LINGO2: variants seen among roughly 807,000 people sequenced by gnomAD.
The protein encoded by LINGO2 is leucine rich repeat and Ig domain containing 2, also known as leucine-rich repeat and immunoglobulin-like domain-containing nogo receptor-interacting protein 2.
A neutral mutation model predicts 30.6 loss-of-function variants in LINGO2; 14 were observed. The observed-to-expected ratio is 0.46, with a 90% CI of 0.30 to 0.72. The LOEUF (loss-of-function observed/expected upper bound fraction) is 0.72, where lower values mean the gene tolerates loss of function less well. Among genes scored for constraint, LINGO2 ranks in the 30% least tolerant of loss-of-function variants. LINGO2 has a pLI of 0.07. For synonymous variants in LINGO2, 317 were observed against 288.5 expected, an observed-to-expected ratio of 1.10 and a Z score of -1.00; for missense variants, 729 against 751.7, an observed-to-expected ratio of 0.97 and a Z score of 0.35.
the LINGO2 span, among the ~76,000 whole-genome samples, chr9:28,941,754 A>C: frequency 6.6e-6 from 1 of 152,100 alleles, no homozygotes; most frequent in Non-Finnish European, 1.5e-5. Flanking sequence ...TGGGGTTACT[A>C]TATATTTTAT....
chr9:28,172,038 A>AAAC (rs1554682064), intron 4 of LINGO2, among the ~76,000 whole-genome samples: 1 of 140,008 alleles, frequency 7.1e-6, no homozygotes, highest in Non-Finnish European at 1.5e-5. Context: ...AAAAAACAAA[A>AAAC]AAAAAAACCC....
the LINGO2 span, among the ~76,000 whole-genome samples, chr9:29,180,531 T>C: frequency 2.2e-3 from 328 of 152,270 alleles, 2 homozygotes; most frequent in African/African-American, 7.2e-3. Context: ...TATATGTCTC[T>C]CCTGCATTCT....
At chr9:28,765,898 A>G in the LINGO2 span, among the ~76,000 whole-genome samples, 1 of 151,986 alleles carries the variant, frequency 6.6e-6, no homozygotes, top group Admixed American at 6.6e-5. Flanking sequence ...TCCACATGCA[A>G]TAAATAAATA....
At chr9:28,470,738 G>A (rs1825485899) in intron 2 of LINGO2, among the ~76,000 whole-genome samples, 1 of 151,992 alleles carries the variant, frequency 6.6e-6, no homozygotes, top group South Asian at 2.1e-4. Flanking sequence ...AAAATTGATA[G>A]ATTATAATGT....
At chr9:28,533,811 A>G (rs907544971) in intron 1 of LINGO2, among the ~76,000 whole-genome samples, 1 of 152,154 alleles carries the variant, frequency 6.6e-6, no homozygotes, top group East Asian at 1.9e-4. Flanking sequence ...GACATTCATG[A>G]AGTATTTGGT....
At chr9:28,579,061 C>CTTTTTTTTT (rs34468047) in intron 1 of LINGO2, among the ~76,000 whole-genome samples, 2 of 150,048 alleles carry the variant, frequency 1.3e-5, no homozygotes, top group Non-Finnish European at 1.5e-5. Flanking sequence ...CATAAGAGCT[C>CTTTTTTTTT]TTTTTTTTTT....
chr9:28,147,474 G>A lies in LINGO2; in HGVS notation c.-86-135069C>T, dbSNP rs1827845627. Among the ~76,000 whole-genome samples the A allele has an allele frequency of 6.6e-6, 1 of 152,242 alleles. No homozygotes were observed. Among genetic ancestry groups the A allele is most frequent in the South Asian group, 2.1e-4 (1 of 4,838 alleles). On this transcript the variant is annotated intron_variant, in intron 4 of 5. Transcript: ENST00000379992. This position sits in a 1 kb window ranked among gnomAD's most constrained non-coding sequence, Gnocchi z 4.7. ...TGGCCCTTGAGGCCACGGCAGCCATGGAGAAGGCGGGCCTGGCTCCAGGCA... is the reference window on the plus strand; with the variant it reads ...TGGCCCTTGAGGCCACGGCAGCCATAGAGAAGGCGGGCCTGGCTCCAGGCA...
At chr9:28,150,312 A>T (rs1827962591) in intron 4 of LINGO2, among the ~76,000 whole-genome samples, 1 of 152,182 alleles carries the variant, frequency 6.6e-6, no homozygotes, top group Non-Finnish European at 1.5e-5. Context: ...CTTGTGTGTG[A>T]TCTTTCTGCC....
At chr9:28,076,946 C>T (rs1406211829) in intron 4 of LINGO2, among the ~76,000 whole-genome samples, 1 of 151,984 alleles carries the variant, frequency 6.6e-6, no homozygotes, top group South Asian at 2.1e-4. Flanking sequence ...GTTCTGGTTT[C>T]CAACAAAAGA....
chr9:28,466,640 T>C (rs992082519), intron 2 of LINGO2, among the ~76,000 whole-genome samples: 1 of 152,184 alleles, frequency 6.6e-6, no homozygotes, highest in African/African-American at 2.4e-5. Flanking sequence ...CTTGAGGTGA[T>C]AGATACCCCA....
intron 1 of LINGO2, among the ~76,000 whole-genome samples, chr9:28,571,265 A>G (rs1393757615): frequency 1.3e-5 from 2 of 152,050 alleles, no homozygotes; most frequent in African/African-American, 2.4e-5. Flanking sequence ...CCTAAGAACT[A>G]CTGATAGAAA....
the LINGO2 span, among the ~76,000 whole-genome samples, chr9:29,113,747 C>G: frequency 6.6e-6 from 1 of 152,142 alleles, no homozygotes; most frequent in Non-Finnish European, 1.5e-5. Flanking sequence ...CATGGCTTTA[C>G]CAGTAGAATC....
At chr9:28,973,406 T>C in the LINGO2 span, among the ~76,000 whole-genome samples, 3 of 152,118 alleles carry the variant, frequency 2.0e-5, no homozygotes, top group Admixed American at 2.0e-4. Context: ...CCCACCCAAA[T>C]CTCACCTTGA....
intron 4 of LINGO2, among the ~76,000 whole-genome samples, chr9:28,087,432 T>C (rs940054989): frequency 2.6e-5 from 4 of 152,040 alleles, no homozygotes; most frequent in African/African-American, 9.7e-5. Context: ...CCCTTAAGGG[T>C]AAAAACGAAT....
the LINGO2 span, among the ~76,000 whole-genome samples, chr9:29,162,350 C>T: frequency 6.6e-6 from 1 of 152,118 alleles, no homozygotes; most frequent in Non-Finnish European, 1.5e-5. Context: ...TAGACAGTTA[C>T]CAAGGAAGCC....
the LINGO2 span, among the ~76,000 whole-genome samples, chr9:28,909,679 T>C: frequency 6.6e-6 from 1 of 152,002 alleles, no homozygotes; most frequent in Non-Finnish European, 1.5e-5. Flanking sequence ...TTTACATTCA[T>C]TTCCTGTCAA....
At chr9:28,967,130 TTC>T in the LINGO2 span, among the ~76,000 whole-genome samples, 1 of 152,118 alleles carries the variant, frequency 6.6e-6, no homozygotes, top group Non-Finnish European at 1.5e-5. Context: ...ACTGAAAATC[TTC>T]TGTTTCATGA....
At chr9:28,785,241 G>A in the LINGO2 span, among the ~76,000 whole-genome samples, 3 of 152,140 alleles carry the variant, frequency 2.0e-5, no homozygotes, top group African/African-American at 7.2e-5. Context: ...AGAGTCTTGA[G>A]AAGCAATGTA....
At chr9:28,789,956 C>T in the LINGO2 span, among the ~76,000 whole-genome samples, 2 of 152,182 alleles carry the variant, frequency 1.3e-5, no homozygotes, top group Non-Finnish European at 2.9e-5. Flanking sequence ...GACAGTGGTA[C>T]ATATATATTT....
Sources: gnomAD v4.1 joint callset for allele counts (sites outside exome capture counted in the v4.1 genomes callset) on GRCh38, gnomAD v4.1.1 for gene constraint, Gnocchi (gnomAD v3.1) non-coding constraint, MANE v1.5 for transcripts, NCBI Gene and HGNC (gene_info 2026-07-23, HGNC 2026-07-21) for gene names.